Variants in ROBO2 observed in about 807,000 individuals in gnomAD.
The protein encoded by ROBO2 is roundabout homolog 2.
A neutral mutation model predicts 160.8 loss-of-function variants in ROBO2; 53 were observed. The observed-to-expected ratio is 0.33, with a 90% CI of 0.26 to 0.41. The LOEUF (loss-of-function observed/expected upper bound fraction) is 0.41, where lower values mean the gene tolerates loss of function less well. ROBO2 is among the 10% of genes least tolerant of loss of function. The pLI, the probability that ROBO2 is intolerant of heterozygous loss-of-function variation, is 1.00. For missense variants in ROBO2, 1,577 were observed against 1,722.4 expected (o/e 0.92, Z 1.49); for synonymous variants, 664 against 611.7 (o/e 1.09, Z -1.26).
At chr3:77,533,200 G>A (rs1018549084) in intron 6 of ROBO2, among the ~76,000 whole-genome samples, 3 of 152,082 alleles carry the variant, frequency 2.0e-5, no homozygotes, top group Non-Finnish European at 4.4e-5. Flanking sequence ...TAGGCCTGGT[G>A]ATACAGAATC....
At chr3:77,271,149 C>T (rs1030040868) in intron 2 of ROBO2, among the ~76,000 whole-genome samples, 3 of 151,900 alleles carry the variant, frequency 2.0e-5, no homozygotes, top group Non-Finnish European at 4.4e-5. Flanking sequence ...TACAATAAAT[C>T]AACAAATATT....
At chr3:77,412,826 C>G (rs2076911429) in intron 2 of ROBO2, among the ~76,000 whole-genome samples, 1 of 152,204 alleles carries the variant, frequency 6.6e-6, no homozygotes, top group Admixed American at 6.5e-5. Flanking sequence ...CTGGGCTGGT[C>G]CATGTGTTCC....
At chr3:75,975,405 A>T (rs1196703482) in intron 2 of ROBO2, among the ~76,000 whole-genome samples, 2 of 151,350 alleles carry the variant, frequency 1.3e-5, no homozygotes, top group South Asian at 4.1e-4. Context: ...CGCTTTATTT[A>T]TATGTACTAA....
intron 2 of ROBO2, among the ~76,000 whole-genome samples, chr3:76,333,638 A>G (rs2073658704): frequency 6.6e-6 from 1 of 152,142 alleles, no homozygotes; most frequent in African/African-American, 2.4e-5. Flanking sequence ...GTTTTAGTCA[A>G]AAGTTTCTCC....
At chr3:77,612,321 G>C (rs924770858) in intron 21 of ROBO2, among the ~76,000 whole-genome samples, 1 of 152,160 alleles carries the variant, frequency 6.6e-6, no homozygotes, top group African/African-American at 2.4e-5. Context: ...AAAATTTGTA[G>C]AGTCATCTGT....
chr3:76,121,960 C>T (rs2070769440), intron 2 of ROBO2, among the ~76,000 whole-genome samples: 1 of 152,122 alleles, frequency 6.6e-6, no homozygotes, highest in East Asian at 1.9e-4. Flanking sequence ...ATGCTCTATT[C>T]CTCAATGTAT....
At chr3:77,385,086 G>T (rs1307091825) in intron 2 of ROBO2, among the ~76,000 whole-genome samples, 1 of 152,206 alleles carries the variant, frequency 6.6e-6, no homozygotes, top group Non-Finnish European at 1.5e-5. Context: ...CTGGAGTGCA[G>T]TGGCATGATC....
chr3:77,565,078 C>T (rs1559624412), exon 12 of ROBO2: 2 of 1,613,704 alleles, frequency 1.2e-6, no homozygotes. Flanking sequence ...CCCCCAAGGT[C>T]TCAGTGACCC....
intron 2 of ROBO2, among the ~76,000 whole-genome samples, chr3:75,991,934 T>G (rs1216389281): frequency 6.6e-6 from 1 of 152,118 alleles, no homozygotes; most frequent in Non-Finnish European, 1.5e-5. Flanking sequence ...GCCCTAGAGA[T>G]TTGTGGAACT....
At chr3:76,220,696 A>C (rs1049736255) in intron 2 of ROBO2, among the ~76,000 whole-genome samples, 1 of 152,134 alleles carries the variant, frequency 6.6e-6, no homozygotes, top group Admixed American at 6.6e-5. Flanking sequence ...GATATCCAGA[A>C]CATAAATACT....
intron 2 of ROBO2, among the ~76,000 whole-genome samples, chr3:76,430,545 C>G (rs987528975): frequency 4.6e-5 from 7 of 151,824 alleles, no homozygotes; most frequent in Admixed American, 4.6e-4. Flanking sequence ...TGTTCCATAT[C>G]AATAGGTGCT....
At chr3:76,950,692 C>T (rs962284286) in intron 2 of ROBO2, among the ~76,000 whole-genome samples, 1 of 151,976 alleles carries the variant, frequency 6.6e-6, no homozygotes, top group African/African-American at 2.4e-5. Flanking sequence ...TTATAACAGA[C>T]TCTAGAGTGT....
intron 2 of ROBO2, among the ~76,000 whole-genome samples, chr3:77,104,660 A>T (rs2072536928): frequency 6.6e-6 from 1 of 152,160 alleles, no homozygotes; most frequent in Non-Finnish European, 1.5e-5. Flanking sequence ...TGTAATTATT[A>T]TTAAGTGTAG....
intron 2 of ROBO2, among the ~76,000 whole-genome samples, chr3:76,574,958 T>C (rs2085195822): frequency 6.6e-6 from 1 of 152,170 alleles, no homozygotes; most frequent in African/African-American, 2.4e-5. Flanking sequence ...TTTCAAAATT[T>C]GCCCTTATCA....
At chr3:76,814,904 G>C (rs1378433159) in intron 2 of ROBO2, among the ~76,000 whole-genome samples, 1 of 151,916 alleles carries the variant, frequency 6.6e-6, no homozygotes, top group Non-Finnish European at 1.5e-5. Context: ...GGTGGGAGAG[G>C]AAGTCATTTG....
chr3:76,416,424 G>GC (rs1356699895), intron 2 of ROBO2, among the ~76,000 whole-genome samples: 16 of 150,308 alleles, frequency 1.1e-4, no homozygotes, highest in African/African-American at 4.0e-4. Flanking sequence ...CTGTGTGTGT[G>GC]TGGGGGGGAA....
intron 2 of ROBO2, among the ~76,000 whole-genome samples, chr3:77,402,524 G>A (rs758639927): frequency 2.6e-5 from 4 of 152,226 alleles, no homozygotes; most frequent in South Asian, 2.1e-4. Flanking sequence ...ACCTGAAACC[G>A]GTGATCAGAA....
intron 2 of ROBO2, among the ~76,000 whole-genome samples, chr3:76,645,345 T>C (rs2090911649): frequency 2.0e-5 from 3 of 152,214 alleles, no homozygotes. Flanking sequence ...ATAAAAATGT[T>C]TATCTCCGTA....
chr3:76,469,302 G>A (rs1231479237), intron 2 of ROBO2, among the ~76,000 whole-genome samples: 5 of 152,020 alleles, frequency 3.3e-5, no homozygotes, highest in African/African-American at 1.2e-4. Context: ...TATGTCAGGT[G>A]CTGTAATGCT....
Sources: allele counts gnomAD v4.1 joint callset (sites outside exome capture counted in the v4.1 genomes callset), GRCh38; gene constraint gnomAD v4.1.1; transcripts MANE v1.5; gene names NCBI Gene and HGNC (gene_info 2026-07-23, HGNC 2026-07-21).